The following LITAF variants were observed in gnomAD, a reference collection of about 807,000 sequenced individuals.
LITAF encodes the protein lipopolysaccharide induced TNF factor, also known as lipopolysaccharide-induced tumor necrosis factor-alpha factor.
Under a neutral mutation model 14.5 loss-of-function variants are expected in LITAF, and 9 were observed. The observed-to-expected ratio is 0.62, with a 90% CI of 0.37 to 1.08. The LOEUF is 1.08. Among genes scored for constraint, LITAF ranks in the 50% least tolerant of loss-of-function variants. LITAF has a pLI of 0.01. For synonymous variants in LITAF, 98 were observed against 88.2 expected, an observed-to-expected ratio of 1.11 and a Z score of -0.62; for missense variants, 206 against 213.4, an observed-to-expected ratio of 0.97 and a Z score of 0.22.
intron 3 of LITAF, among the ~76,000 whole-genome samples, chr16:11,627,769 G>A (rs549801233): frequency 2.2e-4 from 34 of 152,232 alleles, no homozygotes; most frequent in African/African-American, 7.7e-4. Flanking sequence ...GCTTGCATCC[G>A]GGAGGCAGAG....
At chr16:11,603,544 T>G (rs993633798) in intron 3 of LITAF, among the ~76,000 whole-genome samples, 1 of 152,236 alleles carries the variant, frequency 6.6e-6, no homozygotes, top group South Asian at 2.1e-4. Context: ...CGCTCCAGTT[T>G]TAGCCTGGGA....
chr16:11,577,684 G>GTAGA (rs2064663170), intron 1 of LITAF, among the ~76,000 whole-genome samples: 1 of 151,798 alleles, frequency 6.6e-6, no homozygotes, highest in Non-Finnish European at 1.5e-5. Context: ...AATAGTATGA[G>GTAGA]TAGATACTCC....
upstream of LITAF, among the ~76,000 whole-genome samples, chr16:11,602,355 C>T (rs1324459177): frequency 6.6e-6 from 1 of 152,026 alleles, no homozygotes; most frequent in Non-Finnish European, 1.5e-5. Flanking sequence ...GACCCCGTCT[C>T]AAAAATATAT....
chr16:11,598,031 G>A (rs916522219), intron 1 of LITAF, among the ~76,000 whole-genome samples: 10 of 152,070 alleles, frequency 6.6e-5, no homozygotes, highest in Admixed American at 3.3e-4. Context: ...TCAGACACCC[G>A]AGTAGCTGGG....
At chr16:11,576,983 G>C (rs2064646925) in intron 1 of LITAF, among the ~76,000 whole-genome samples, 2 of 152,202 alleles carry the variant, frequency 1.3e-5, no homozygotes, top group African/African-American at 4.8e-5. Flanking sequence ...ACAGGGTGGT[G>C]GTGGACATTG....
At chr16:11,640,073 C>T (rs2065158594), upstream of LITAF, among the ~76,000 whole-genome samples, 1 of 152,162 alleles carries the variant, frequency 6.6e-6, no homozygotes, top group Non-Finnish European at 1.5e-5. Context: ...CGCACCCGGC[C>T]AACAATGTGT....
chr16:11,629,087 G>C (rs2065102898), intron 3 of LITAF: 1 of 152,348 alleles, frequency 6.6e-6, no homozygotes, highest in Non-Finnish European at 1.5e-5. Context: ...GGGATTACAG[G>C]CATAAGCCAC....
chr16:11,565,783 C>T (rs1207584399), intron 1 of LITAF, among the ~76,000 whole-genome samples: 2 of 148,740 alleles, frequency 1.3e-5, no homozygotes, highest in Admixed American at 6.7e-5. Context: ...CTCTTTCTTC[C>T]GTCTGCCTCC....
At chr16:11,595,848 C>T (rs1367505251) in intron 1 of LITAF, among the ~76,000 whole-genome samples, 1 of 152,178 alleles carries the variant, frequency 6.6e-6, no homozygotes, top group Non-Finnish European at 1.5e-5. Flanking sequence ...GTCCCAAATG[C>T]TGTGGATTTG....
chr16:11,620,661 G>GA (rs1435923099), intron 3 of LITAF, among the ~76,000 whole-genome samples: 1 of 152,064 alleles, frequency 6.6e-6, no homozygotes, highest in Non-Finnish European at 1.5e-5. Flanking sequence ...AGGTGATATG[G>GA]AAAAAATAGG....
At chr16:11,581,544 G>C (rs915251434) in intron 1 of LITAF, among the ~76,000 whole-genome samples, 3 of 152,104 alleles carry the variant, frequency 2.0e-5, no homozygotes, top group African/African-American at 7.2e-5. Flanking sequence ...GAGCTCGAGA[G>C]GGAGGTTGAG....
At chr16:11,551,154 A>C (rs905907139) in intron 3 of LITAF, among the ~76,000 whole-genome samples, 1 of 152,216 alleles carries the variant, frequency 6.6e-6, no homozygotes, top group Non-Finnish European at 1.5e-5. Context: ...GCTGGTTTAC[A>C]TAAAGCAGAA....
intron 3 of LITAF, among the ~76,000 whole-genome samples, chr16:11,616,852 C>T (rs1012139308): frequency 1.4e-5 from 2 of 144,916 alleles, no homozygotes; most frequent in Non-Finnish European, 3.0e-5. Context: ...GTTGAGGCTG[C>T]AGTGAGCTGT....
chr16:11,568,238 T>C (rs1321789249), intron 1 of LITAF, among the ~76,000 whole-genome samples: 3 of 144,078 alleles, frequency 2.1e-5, no homozygotes. Flanking sequence ...CAGTGAGCCA[T>C]GTTTGCACTA....
intron 3 of LITAF, among the ~76,000 whole-genome samples, chr16:11,627,899 C>T (rs1286078756): frequency 6.6e-6 from 1 of 151,612 alleles, no homozygotes; most frequent in Admixed American, 6.6e-5. Context: ...CATCTGTAGT[C>T]CCAGCTACTC....
chr16:11,554,059 C>G (rs2064227712), intron 2 of LITAF, among the ~76,000 whole-genome samples: 1 of 151,988 alleles, frequency 6.6e-6, no homozygotes, highest in Non-Finnish European at 1.5e-5. Context: ...GACAAGACCT[C>G]ATCTCTACAA....
upstream of LITAF, among the ~76,000 whole-genome samples, chr16:11,591,287 G>A (rs750515477): frequency 7.0e-5 from 8 of 114,920 alleles, 2 homozygotes; most frequent in South Asian, 2.7e-4. Context: ...GGGCTCAAGC[G>A]ATCCCTCCCA....
chr16:11,557,972 GCAGA>G (rs2141723512), intron 1 of LITAF, among the ~76,000 whole-genome samples: 1 of 152,320 alleles, frequency 6.6e-6, no homozygotes, highest in Non-Finnish European at 1.5e-5. Context: ...GCAGCTGGAA[GCAGA>G]CACAGTGCTG....
chr16:11,596,365 G>C (rs190704271), intron 1 of LITAF, among the ~76,000 whole-genome samples: 96 of 151,350 alleles, frequency 6.3e-4, no homozygotes, highest in African/African-American at 2.3e-3. Context: ...CTTGGCCACA[G>C]GGATTGTGCT....
Sources: allele counts gnomAD v4.1 joint callset (sites outside exome capture counted in the v4.1 genomes callset), GRCh38; gene constraint gnomAD v4.1.1; transcripts MANE v1.5; gene names NCBI Gene and HGNC (gene_info 2026-07-23, HGNC 2026-07-21).